DDAH1: variants seen among roughly 807,000 people sequenced by gnomAD.
The protein encoded by DDAH1 is dimethylarginine dimethylaminohydrolase 1.
A neutral mutation model predicts 28.8 loss-of-function variants in DDAH1; 19 were observed. The observed-to-expected ratio is 0.66, with a 90% CI of 0.46 to 0.97. DDAH1 has a LOEUF of 0.97. DDAH1 is among the 50% of genes least tolerant of loss of function. The pLI is 0.00. For synonymous variants in DDAH1, 153 were observed against 154.4 expected (o/e 0.99, Z 0.07); for missense variants, 326 against 375.9 (o/e 0.87, Z 1.10).
intron 2 of DDAH1, among the ~76,000 whole-genome samples, chr1:85,356,990 T>G (rs1305844094): frequency 1.3e-5 from 2 of 152,242 alleles, no homozygotes; most frequent in African/African-American, 4.8e-5. Flanking sequence ...ATTCATTGCA[T>G]GGCTATGTTC....
intron 1 of DDAH1, among the ~76,000 whole-genome samples, chr1:85,427,239 CTGTTTT>C (rs1182255365): frequency 7.0e-6 from 1 of 143,126 alleles, no homozygotes; most frequent in Non-Finnish European, 1.5e-5. Flanking sequence ...GCTTGTGGCT[CTGTTTT>C]TGTTTTTGTT....
At chr1:85,404,665 G>A (rs929573698) in intron 1 of DDAH1, 3 of 451,142 alleles carry the variant, frequency 6.6e-6, no homozygotes, top group African/African-American at 2.0e-5. Context: ...TAAATTCCAC[G>A]TAATAGCTTT....
upstream of DDAH1, chr1:85,465,298 G>A (rs1655328491): frequency 7.2e-6 from 6 of 829,420 alleles, no homozygotes; most frequent in Non-Finnish European, 8.7e-6. Flanking sequence ...GGCGGGAGTT[G>A]TAGCGGCGAG....
At chr1:85,491,956 T>C (rs1248100444) in intron 2 of DDAH1, among the ~76,000 whole-genome samples, 1 of 152,206 alleles carries the variant, frequency 6.6e-6, no homozygotes, top group Non-Finnish European at 1.5e-5. Flanking sequence ...CAAATAATAA[T>C]AGCAGCTACT....
At chr1:85,445,014 C>T (rs943896152) in intron 1 of DDAH1, among the ~76,000 whole-genome samples, 4 of 152,156 alleles carry the variant, frequency 2.6e-5, no homozygotes, top group Non-Finnish European at 2.9e-5. Flanking sequence ...CAGGAAGCAT[C>T]GCGCACAGGA....
intron 2 of DDAH1, chr1:85,493,481 C>T (rs2100730773): frequency 6.6e-6 from 1 of 152,160 alleles, no homozygotes; most frequent in Non-Finnish European, 1.5e-5. Flanking sequence ...AATTAAAACC[C>T]AAGGGCAGTG....
chr1:85,330,847 G>A (rs1180348125), intron 4 of DDAH1, among the ~76,000 whole-genome samples: 3 of 152,192 alleles, frequency 2.0e-5, no homozygotes, highest in Non-Finnish European at 4.4e-5. Context: ...GTGGGAAAGG[G>A]AAAGAGATGC....
chr1:85,351,543 T>A lies in DDAH1; in HGVS notation c.440A>T (p.Asn147Ile). 6.2e-7 allele frequency: 1 copy of A among 1,614,122 alleles called. No individual in the cohort carries two copies. The highest frequency in any genetic ancestry group is 8.5e-7 in the Non-Finnish European group (1 of 1,180,000). The change falls in exon 3 of 6, where the codon AAT (asparagine) becomes ATT (isoleucine). Residue 147 changes from asparagine to isoleucine, a missense_variant. Coordinates refer to ENST00000284031, the MANE Select transcript of DDAH1 (RefSeq NM_012137.4). ...AGCCAAGATTTCAGCACCTCGTTGA[T>A]TTGTCCTTTTGGAAAGGCCCACAAA... ...EFFVGLSKRT[N>I]QRGAEILADT...
chr1:85,424,997 T>C (rs543493026), intron 1 of DDAH1, among the ~76,000 whole-genome samples: 1 of 152,234 alleles, frequency 6.6e-6, no homozygotes, highest in African/African-American at 2.4e-5. Context: ...AGTATCCCTT[T>C]TTTTTATTGA....
chr1:85,482,038 T>A (rs1656031517), intron 2 of DDAH1, among the ~76,000 whole-genome samples: 1 of 152,236 alleles, frequency 6.6e-6, no homozygotes, highest in Non-Finnish European at 1.5e-5. Context: ...AATAATCCTG[T>A]TAGTTTGTCC....
chr1:85,337,844 C>T (rs1362974432), intron 4 of DDAH1, among the ~76,000 whole-genome samples: 1 of 152,180 alleles, frequency 6.6e-6, no homozygotes, highest in East Asian at 1.9e-4. Flanking sequence ...ATGCAATTTC[C>T]TTTAAAAGAC....
At position 85,464,309 on chromosome 1, in the gene DDAH1, C is replaced by A. The variant is rs1570577545; in HGVS notation, c.303+434G>T. Among the ~76,000 whole-genome samples, 1 of 152,186 alleles carries A rather than the reference C, an allele frequency of 6.6e-6. No individual in the cohort carries two copies. Among genetic ancestry groups the A allele is most frequent in the East Asian group, 1.9e-4 (1 of 5,176 alleles). ...GTCCTGCTCCGAGCGCCAGGCAGGACTTGGGGGCTTCGGTGTCACGACTGG... is the reference window on the plus strand; with the variant it reads ...GTCCTGCTCCGAGCGCCAGGCAGGAATTGGGGGCTTCGGTGTCACGACTGG... On this transcript the variant is annotated intron_variant, in intron 1 of 5. Coordinates refer to ENST00000284031, the MANE Select transcript of DDAH1 (RefSeq NM_012137.4). The surrounding 1 kb of genome is among the most constrained non-coding windows in gnomAD (Gnocchi z 4.4).
chr1:85,370,858 G>A (rs1436099050), intron 1 of DDAH1, among the ~76,000 whole-genome samples: 1 of 152,146 alleles, frequency 6.6e-6, no homozygotes, highest in Admixed American at 6.5e-5. Flanking sequence ...TGGCCATGCT[G>A]AGTTTGAAAT....
chr1:85,509,360 A>G (rs1335911567), intron 1 of DDAH1, among the ~76,000 whole-genome samples: 1 of 152,196 alleles, frequency 6.6e-6, no homozygotes, highest in African/African-American at 2.4e-5. Context: ...TCAAACACCA[A>G]AGGTAGATAA....
chr1:85,375,299 T>C (rs1208813938), intron 1 of DDAH1, among the ~76,000 whole-genome samples: 1 of 152,122 alleles, frequency 6.6e-6, no homozygotes, highest in East Asian at 1.9e-4. Flanking sequence ...TCTGTGGATA[T>C]ACAGAGCAAA....
intron 1 of DDAH1, among the ~76,000 whole-genome samples, chr1:85,364,958 C>T (rs1331344641): frequency 2.6e-5 from 4 of 152,116 alleles, no homozygotes; most frequent in African/African-American, 4.8e-5. Flanking sequence ...ATATTGGGAT[C>T]CTCTTCTATA....
At chr1:85,329,645 TCTA>T (rs1647644620) in intron 4 of DDAH1, among the ~76,000 whole-genome samples, 1 of 152,226 alleles carries the variant, frequency 6.6e-6, no homozygotes. Flanking sequence ...ATTGATAAAT[TCTA>T]CTGAGAGTTA....
In DDAH1 at chr1:85,382,820, T is replaced by A. The variant is rs114872331; in HGVS notation, c.304-23973A>T. ...AATAATGCTAAATTGACTCTGACTG[T>A]GCTCTACAAATGGAACAACAAAACT... is the stretch of plus-strand genomic sequence containing the variant. On this transcript the variant is annotated intron_variant, in intron 1 of 5. Coordinates refer to ENST00000284031, the MANE Select transcript of DDAH1 (RefSeq NM_012137.4). Among the ~76,000 whole-genome samples, 1,064 of 152,346 alleles carry A rather than the reference T, an allele frequency of 7.0e-3. 12 individuals are homozygous for A. The highest frequency in any genetic ancestry group is 0.024 in the African/African-American group (1,014 of 41,584).
intron 1 of DDAH1, among the ~76,000 whole-genome samples, chr1:85,558,114 C>T (rs1276893056): frequency 2.0e-5 from 3 of 150,502 alleles, no homozygotes; most frequent in Non-Finnish European, 4.4e-5. Flanking sequence ...TGCCTGTAAT[C>T]CCAGCACTTT....
Sources: gnomAD v4.1 joint callset for allele counts (sites outside exome capture counted in the v4.1 genomes callset) on GRCh38, gnomAD v4.1.1 for gene constraint, Gnocchi (gnomAD v3.1) non-coding constraint, MANE v1.5 for transcripts, NCBI Gene and HGNC (gene_info 2026-07-23, HGNC 2026-07-21) for gene names.